The following CTNNA3 variants were observed in gnomAD, a reference collection of about 807,000 sequenced individuals.
CTNNA3 encodes catenin alpha 3.
In CTNNA3, 76 loss-of-function variants were observed where a neutral mutation model predicts 95.7. That is an observed-to-expected ratio of 0.79 (90% confidence interval 0.66 to 0.96). The LOEUF (loss-of-function observed/expected upper bound fraction) is 0.96, where lower values mean the gene tolerates loss of function less well. Ranked by LOEUF, CTNNA3 falls within the 40% of genes least tolerant of loss-of-function variation. The pLI, the probability that CTNNA3 is intolerant of heterozygous loss-of-function variation, is 0.00. For synonymous variants in CTNNA3, 431 were observed against 374.4 expected (o/e 1.15, Z -1.74); for missense variants, 1,191 against 1,089.8 (o/e 1.09, Z -1.31).
intron 15 of CTNNA3, among the ~76,000 whole-genome samples, chr10:66,035,947 T>C (rs1468873237): frequency 6.6e-6 from 1 of 152,110 alleles, no homozygotes; most frequent in Non-Finnish European, 1.5e-5. Context: ...TCCTATACTT[T>C]TCTTTATCTT....
Position 67,391,276 on chromosome 10 carries a change from C to G in CTNNA3, c.579+130566G>C, listed in dbSNP as rs1361741134. ...TACACCAACAACAGACAAACAGAGA[C>G]CCAAATCATGAGTGAACTCCCATTC... On this transcript the variant is annotated intron_variant, in intron 5 of 17. Coordinates refer to ENST00000433211, the MANE Select transcript of CTNNA3 (RefSeq NM_013266.4). Among the ~76,000 whole-genome samples the G allele has an allele frequency of 3.2e-3, 479 of 151,014 alleles. 1 individual carries two copies. The highest frequency in any genetic ancestry group is 0.011 in the African/African-American group (445 of 40,626).
chr10:66,446,279 A>G (rs1291197311), intron 11 of CTNNA3, among the ~76,000 whole-genome samples: 2 of 152,218 alleles, frequency 1.3e-5, no homozygotes, highest in Non-Finnish European at 2.9e-5. Flanking sequence ...TTCTGAAACT[A>G]TTCCAACCAA....
chr10:66,405,146 C>A (rs887124348), intron 11 of CTNNA3, among the ~76,000 whole-genome samples: 3 of 152,108 alleles, frequency 2.0e-5, no homozygotes, highest in Non-Finnish European at 4.4e-5. Flanking sequence ...TGTCTTTATA[C>A]AGATTCCAGT....
At chr10:66,104,381 T>A (rs7911820) in intron 13 of CTNNA3, among the ~76,000 whole-genome samples, 1 of 152,000 alleles carries the variant, frequency 6.6e-6, no homozygotes, top group East Asian at 1.9e-4. Context: ...TGCAAATACA[T>A]GTCAAAGTGC....
At chr10:67,566,058 TATA>T (rs1841774787) in intron 3 of CTNNA3, among the ~76,000 whole-genome samples, 2 of 85,614 alleles carry the variant, frequency 2.3e-5, no homozygotes, top group African/African-American at 8.5e-5. Context: ...TATATATATA[TATA>T]TATATATATA....
intron 1 of CTNNA3, among the ~76,000 whole-genome samples, chr10:67,689,828 C>T (rs776815877): frequency 2.0e-4 from 31 of 152,244 alleles, no homozygotes; most frequent in Non-Finnish European, 4.0e-4. Flanking sequence ...AGCGGCCGCG[C>T]TAGTTGCTTT....
At chr10:67,346,094 A>C (rs532304303) in intron 5 of CTNNA3, among the ~76,000 whole-genome samples, 1 of 152,318 alleles carries the variant, frequency 6.6e-6, no homozygotes, top group East Asian at 1.9e-4. Context: ...TGTAGAAAGA[A>C]AGAAACAAAC....
intron 7 of CTNNA3, among the ~76,000 whole-genome samples, chr10:66,812,198 C>T (rs566225106): frequency 2.0e-5 from 3 of 151,962 alleles, no homozygotes; most frequent in East Asian, 1.9e-4. Flanking sequence ...CAAATGAAAC[C>T]GGAGTAAAAT....
chr10:67,082,452 C>T (rs1857100218), intron 7 of CTNNA3, among the ~76,000 whole-genome samples: 1 of 152,108 alleles, frequency 6.6e-6, no homozygotes, highest in Non-Finnish European at 1.5e-5. Context: ...AAGTTTAAAA[C>T]CCTAAACCCC....
chr10:67,706,910 T>A (rs1402753935), intron 1 of CTNNA3, among the ~76,000 whole-genome samples: 1 of 152,204 alleles, frequency 6.6e-6, no homozygotes, highest in African/African-American at 2.4e-5. Context: ...AAACTTGATA[T>A]GTCCCAAAAA....
intron 10 of CTNNA3, among the ~76,000 whole-genome samples, chr10:66,547,347 C>CTT (rs1296263060): frequency 1.8e-5 from 2 of 109,284 alleles, no homozygotes; most frequent in Non-Finnish European, 3.4e-5. Context: ...TTCTTTCTTT[C>CTT]TTTTTTTTTT....
At chr10:67,720,886 G>T (rs80353090) in intron 1 of CTNNA3, among the ~76,000 whole-genome samples, 1 of 152,036 alleles carries the variant, frequency 6.6e-6, no homozygotes, top group Non-Finnish European at 1.5e-5. Context: ...TCTGGGAGGC[G>T]GAGGTTGCAG....
At chr10:65,977,849 AC>A (rs2078237067) in intron 16 of CTNNA3, among the ~76,000 whole-genome samples, 1 of 152,128 alleles carries the variant, frequency 6.6e-6, no homozygotes, top group African/African-American at 2.4e-5. Flanking sequence ...ACAATAGCCT[AC>A]ATTTTGCTAA....
intron 12 of CTNNA3, among the ~76,000 whole-genome samples, chr10:66,339,492 G>A (rs1057193868): frequency 1.3e-4 from 19 of 151,570 alleles, no homozygotes; most frequent in Admixed American, 5.3e-4. Context: ...GAAGAAATTG[G>A]GAAAGAGAAA....
chr10:66,361,522 ATCTTTCTC>A (rs1375785377), intron 12 of CTNNA3, among the ~76,000 whole-genome samples: 27 of 113,898 alleles, frequency 2.4e-4, no homozygotes, highest in African/African-American at 9.1e-4. Flanking sequence ...CTCTCTCTGC[ATCTTTCTC>A]TCTTTCTTTC....
At position 67,693,316 on chromosome 10, in the gene CTNNA3, T is replaced by C. The variant is rs539725115; in HGVS notation, c.-6+2684A>G. Among the ~76,000 whole-genome samples the C allele has an allele frequency of 3.3e-5, 5 of 152,306 alleles. No individual in the cohort carries two copies. The East Asian group carries it at 7.7e-4, about 24-fold the overall frequency. On this transcript the variant is annotated intron_variant, in intron 1 of 17. Coordinates refer to ENST00000433211, the MANE Select transcript of CTNNA3 (RefSeq NM_013266.4). ...TCCGGAGTTCCACCCCGCTGTACCA[T>C]CTCACTTAAAATCCAGTATCCAAAC...
At chr10:66,708,207 T>C (rs59142748) in intron 9 of CTNNA3, among the ~76,000 whole-genome samples, 1 of 151,730 alleles carries the variant, frequency 6.6e-6, no homozygotes, top group African/African-American at 2.4e-5. Context: ...CAGAGCTTTT[T>C]TGGCTTGCCA....
rs550699449 is a variant in CTNNA3, at chr10:66,610,906, A to G, written c.1374+10786T>C. ...AACCTAAGTGTTCATTAACAGATGAATAAATAAAAAAATGTGGCATATGTG... is the reference window on the plus strand; with the variant it reads ...AACCTAAGTGTTCATTAACAGATGAGTAAATAAAAAAATGTGGCATATGTG... On this transcript the variant is annotated intron_variant, in intron 10 of 17. Coordinates refer to ENST00000433211, the MANE Select transcript of CTNNA3 (RefSeq NM_013266.4). Among the ~76,000 whole-genome samples the G allele has an allele frequency of 3.9e-5, 6 of 152,252 alleles. No individual in the cohort carries two copies. The South Asian group carries it at 1.2e-3, about 32-fold the overall frequency.
intron 15 of CTNNA3, among the ~76,000 whole-genome samples, chr10:66,030,893 G>A (rs1208014220): frequency 6.6e-6 from 1 of 151,634 alleles, no homozygotes; most frequent in African/African-American, 2.4e-5. Flanking sequence ...AGGACATGAA[G>A]AGAAACTTCT....
Sources: allele counts gnomAD v4.1 joint callset (sites outside exome capture counted in the v4.1 genomes callset), GRCh38; gene constraint gnomAD v4.1.1; transcripts MANE v1.5; gene names NCBI Gene and HGNC (gene_info 2026-07-23, HGNC 2026-07-21).